Variants in PBX1 observed in about 807,000 individuals in gnomAD.
The protein encoded by PBX1 is pre-B-cell leukemia transcription factor 1.
In PBX1, 6 loss-of-function variants were observed where a neutral mutation model predicts 53.4. That is an observed-to-expected ratio of 0.11 (90% CI 0.06 to 0.22). PBX1 has a LOEUF of 0.22. Ranked by LOEUF, PBX1 falls within the 10% of genes least tolerant of loss-of-function variation. PBX1 has a pLI of 1.00. For missense variants in PBX1, 251 were observed against 551.4 expected (o/e 0.46, Z 5.46); for synonymous variants, 204 against 212.3 (o/e 0.96, Z 0.34).
At chr1:164,583,687 A>G (rs769316455) in intron 2 of PBX1, among the ~76,000 whole-genome samples, 4 of 152,328 alleles carry the variant, frequency 2.6e-5, no homozygotes, top group South Asian at 2.1e-4. Flanking sequence ...AGGGCTGTTA[A>G]TTTTTAGATA....
At chr1:164,652,781 C>A (rs141591868) in intron 2 of PBX1, among the ~76,000 whole-genome samples, 1 of 152,020 alleles carries the variant, frequency 6.6e-6, no homozygotes, top group African/African-American at 2.4e-5. Context: ...TAACCAACAC[C>A]CCTTTATCAC....
At chr1:164,631,306 A>G (rs961724139) in intron 2 of PBX1, among the ~76,000 whole-genome samples, 2 of 148,564 alleles carry the variant, frequency 1.3e-5, no homozygotes, top group African/African-American at 5.0e-5. Context: ...TTTCTACAGT[A>G]TTCAAAGTGC....
At chr1:164,628,644 C>T (rs887288650) in intron 2 of PBX1, among the ~76,000 whole-genome samples, 1 of 152,178 alleles carries the variant, frequency 6.6e-6, no homozygotes, top group African/African-American at 2.4e-5. Flanking sequence ...TAGAAGATAG[C>T]ATTTCCAAGA....
chr1:164,721,969 A>G lies in PBX1; in HGVS notation c.266-70525A>G, dbSNP rs534193957. On this transcript the variant is annotated intron_variant, in intron 2 of 8. Coordinates refer to ENST00000420696, the MANE Select transcript of PBX1 (RefSeq NM_002585.4). ...TTCCATTTTAGTGAAAGAAATAGAA[A>G]ATAAATATGACATGATATAAAATGA... is the stretch of plus-strand genomic sequence containing the variant. 3.0e-4 allele frequency among the ~76,000 whole-genome samples: 46 copies of G among 152,334 alleles called. No homozygotes were observed. The Middle Eastern group carries it at 0.017, about 57-fold the overall frequency.
At chr1:164,773,748 G>GCTCTCTCCAAGTGTACTGGA (rs1667506265) in intron 2 of PBX1, among the ~76,000 whole-genome samples, 1 of 152,164 alleles carries the variant, frequency 6.6e-6, no homozygotes, top group Non-Finnish European at 1.5e-5. Flanking sequence ...GATGTCACCT[G>GCTCTCTCCAAGTGTACTGGA]GAGTCTCTGC....
At position 164,812,073 on chromosome 1, in the gene PBX1, C is replaced by G; in HGVS notation, c.921C>G (p.Ala307=). The G allele has an allele frequency of 6.2e-7, 1 of 1,613,902 alleles. No individual in the cohort carries two copies. The highest frequency in any genetic ancestry group is 8.5e-7 in the Non-Finnish European group (1 of 1,179,868). Residue 307 remains alanine (A), a synonymous_variant, in exon 6 of 9, where the codon GCC becomes GCG. Coordinates refer to ENST00000420696, the MANE Select transcript of PBX1 (RefSeq NM_002585.4). ...KFQEEANIYA[A]KTAVTATNVS... is the part of the protein sequence containing the mutation. ...AAGAGGAAGCCAATATTTATGCTGC[C>G]AAAACAGCTGTCACTGCTACCAATG... is the stretch of plus-strand genomic sequence containing the variant.
intron 2 of PBX1, among the ~76,000 whole-genome samples, chr1:164,609,808 G>A (rs925702172): frequency 2.6e-5 from 4 of 152,186 alleles, no homozygotes; most frequent in Non-Finnish European, 2.9e-5. Context: ...TGACTGGCAC[G>A]TAGTAGGCAC....
chr1:164,829,943 T>C (rs1476596716), intron 8 of PBX1: 1 of 151,990 alleles, frequency 6.6e-6, no homozygotes, highest in Admixed American at 6.6e-5. Context: ...AAAATAAACA[T>C]CTTGAAACTA....
At chr1:164,701,707 C>T (rs1663132203) in intron 2 of PBX1, among the ~76,000 whole-genome samples, 1 of 152,156 alleles carries the variant, frequency 6.6e-6, no homozygotes, top group African/African-American at 2.4e-5. Context: ...CACCAATGCC[C>T]TCACTTCATC....
intron 8 of PBX1, among the ~76,000 whole-genome samples, chr1:164,823,292 G>A (rs920532333): frequency 2.6e-5 from 4 of 152,166 alleles, no homozygotes; most frequent in Non-Finnish European, 1.5e-5. Flanking sequence ...GTGGGAAAGT[G>A]TATTCTCCAA....
rs904839999 is a variant in PBX1, at chr1:164,559,479, C to G, written c.-344C>G. On this transcript the variant is annotated 5_prime_UTR_variant, in exon 1 of 9. Coordinates refer to ENST00000420696, the MANE Select transcript of PBX1 (RefSeq NM_002585.4). ...CCCATTTCTGCCTTGCAAAGGAGAC[C>G]GGACTGAAAAACCTAAAGCCAGCTC... 5.7e-5 allele frequency: 16 copies of G among 281,840 alleles called. No individual in the cohort carries two copies. The highest frequency in any genetic ancestry group is 1.0e-4 in the Admixed American group (2 of 19,524). 17.5% of individuals were successfully genotyped at this position (281,840 alleles called of 1,614,324 possible). A position where few individuals can be genotyped will look rare whatever the true frequency, so the allele number is the denominator to read the frequency against.
At chr1:164,718,019 A>G (rs1664200341) in intron 2 of PBX1, among the ~76,000 whole-genome samples, 1 of 152,202 alleles carries the variant, frequency 6.6e-6, no homozygotes, top group Non-Finnish European at 1.5e-5. Flanking sequence ...CATTATCCCC[A>G]TTTGCGTAGA....
At chr1:164,754,020 C>G (rs1408489345) in intron 2 of PBX1, among the ~76,000 whole-genome samples, 1 of 152,118 alleles carries the variant, frequency 6.6e-6, no homozygotes, top group Non-Finnish European at 1.5e-5. Context: ...AGCGTGTTCC[C>G]TTGGCCACTG....
chr1:164,759,446 G>A (rs963132849), intron 2 of PBX1, among the ~76,000 whole-genome samples: 5 of 152,148 alleles, frequency 3.3e-5, no homozygotes, highest in Admixed American at 1.3e-4. Context: ...CTTGCACCCC[G>A]GGTGACACAG....
rs1475407668 is a variant in PBX1, at chr1:164,559,778, G to A, written c.-45G>A. 3 of 1,470,972 alleles carry A rather than the reference G, an allele frequency of 2.0e-6. No individual in the cohort carries two copies. The highest frequency in any genetic ancestry group is 2.7e-6 in the Non-Finnish European group (3 of 1,095,364). The allele number at this position is 1,470,972 out of a possible 1,614,324, so 91.1% of individuals were successfully genotyped here. ...CTTGGTGCTTCCCAGGAGCCGAGCCGAGGAGCAGAAGAGGAAGAGCCGGGG... is the reference window on the plus strand; with the variant it reads ...CTTGGTGCTTCCCAGGAGCCGAGCCAAGGAGCAGAAGAGGAAGAGCCGGGG... On this transcript the variant is annotated 5_prime_UTR_variant, in exon 1 of 9. Coordinates refer to ENST00000420696, the MANE Select transcript of PBX1 (RefSeq NM_002585.4).
chr1:164,880,972 C>G (rs1478163890), intron 2 of PBX1, among the ~76,000 whole-genome samples: 1 of 152,226 alleles, frequency 6.6e-6, no homozygotes, highest in African/African-American at 2.4e-5. Context: ...ACCCCTCTGA[C>G]TAGGAGCGGG....
intron 2 of PBX1, among the ~76,000 whole-genome samples, chr1:164,598,083 G>C (rs901910635): frequency 6.6e-6 from 1 of 152,090 alleles, no homozygotes; most frequent in Non-Finnish European, 1.5e-5. Flanking sequence ...GAGAGGGCAG[G>C]AGCAAGAGAG....
At chr1:164,741,622 A>G (rs1665610476) in intron 2 of PBX1, among the ~76,000 whole-genome samples, 2 of 152,174 alleles carry the variant, frequency 1.3e-5, no homozygotes. Context: ...CACTGCTTTA[A>G]TAAATGGTAA....
In PBX1 at chr1:164,849,229, C is replaced by G; in HGVS notation, c.*2553C>G. Reference sequence around the variant, plus strand: ...GTTAAGTTAATGCAAAAGATCAGAACAGGGCTACATTTGCACAGGCAGTTT... The same window carrying G: ...GTTAAGTTAATGCAAAAGATCAGAAGAGGGCTACATTTGCACAGGCAGTTT... On this transcript the variant is annotated 3_prime_UTR_variant, in exon 9 of 9. Transcript: ENST00000420696. 6.7e-7 allele frequency: 1 copy of G among 1,497,724 alleles called. No individual in the cohort carries two copies. The highest frequency in any genetic ancestry group is 2.5e-5 in the East Asian group (1 of 40,368). 92.8% of individuals were successfully genotyped at this position (1,497,724 alleles called of 1,614,324 possible).
Sources: allele counts gnomAD v4.1 joint callset (sites outside exome capture counted in the v4.1 genomes callset), GRCh38; gene constraint gnomAD v4.1.1; transcripts MANE v1.5; gene names NCBI Gene and HGNC (gene_info 2026-07-23, HGNC 2026-07-21).